CRHR1: variants seen among roughly 807,000 people sequenced by gnomAD.
CRHR1 encodes the protein corticotropin releasing hormone receptor 1.
In CRHR1, 28 loss-of-function variants were observed where a neutral mutation model predicts 56.0. That is an observed-to-expected ratio of 0.50 (90% CI 0.37 to 0.69). The LOEUF (loss-of-function observed/expected upper bound fraction) is 0.69, where lower values mean the gene tolerates loss of function less well. Ranked by LOEUF, CRHR1 falls within the 30% of genes least tolerant of loss-of-function variation. CRHR1 has a pLI of 0.00. For synonymous variants in CRHR1, 195 were observed against 216.5 expected (o/e 0.90, Z 0.87); for missense variants, 376 against 548.0 (o/e 0.69, Z 3.13).
intron 4 of CRHR1, among the ~76,000 whole-genome samples, chr17:45,825,155 C>T (rs1323647479): frequency 6.6e-6 from 1 of 152,210 alleles, no homozygotes; most frequent in Admixed American, 6.5e-5. Flanking sequence ...TAAGCTCCAG[C>T]GCCCTGGGGT....
At chr17:45,810,041 A>T (rs2061791529) in intron 2 of CRHR1, among the ~76,000 whole-genome samples, 1 of 152,194 alleles carries the variant, frequency 6.6e-6, no homozygotes, top group Non-Finnish European at 1.5e-5. Flanking sequence ...GCGCTTTGGG[A>T]GGCCGAGGCG....
intron 1 of CRHR1, chr17:45,800,271 A>G (rs1302497619): frequency 6.6e-6 from 1 of 152,250 alleles, no homozygotes; most frequent in Non-Finnish European, 1.5e-5. Context: ...CCTAAAAAGC[A>G]ACTTACCTTT....
At chr17:45,833,693 T>TGGGGGGGGGGGCG in intron 10 of CRHR1, 21 bp from the exon 11 acceptor site, 8 of 1,571,614 alleles carry the variant, frequency 5.1e-6, no homozygotes, top group Non-Finnish European at 7.0e-6. Context: ...ACTCCGAGCC[T>TGGGGGGGGGGGCG]CCCCACCCGC....
At chr17:45,785,165 C>G (rs2061312296) in intron 1 of CRHR1, among the ~76,000 whole-genome samples, 1 of 152,216 alleles carries the variant, frequency 6.6e-6, no homozygotes, top group African/African-American at 2.4e-5. Flanking sequence ...GTTCCCCGAC[C>G]GCGGCTGGGA....
At chr17:45,786,787 T>C (rs1188936318) in intron 1 of CRHR1, among the ~76,000 whole-genome samples, 1 of 152,018 alleles carries the variant, frequency 6.6e-6, no homozygotes, top group African/African-American at 2.4e-5. Context: ...ACCACAGGCA[T>C]GCACCACCAC....
intron 8 of CRHR1, 22 bp downstream of exon 8, chr17:45,830,962 C>G: frequency 6.2e-7 from 1 of 1,612,936 alleles, no homozygotes; most frequent in South Asian, 1.1e-5. Flanking sequence ...CCTTTCCCTT[C>G]CTGACCCCAA....
intron 3 of CRHR1, among the ~76,000 whole-genome samples, chr17:45,820,823 A>C (rs987870369): frequency 2.0e-5 from 3 of 152,156 alleles, no homozygotes; most frequent in Non-Finnish European, 4.4e-5. Flanking sequence ...CAGCACAGCC[A>C]GTGAGGACCT....
intron 2 of CRHR1, among the ~76,000 whole-genome samples, chr17:45,811,136 G>T (rs1185118227): frequency 6.6e-6 from 1 of 152,268 alleles, no homozygotes; most frequent in African/African-American, 2.4e-5. Flanking sequence ...TTCCTCTGAA[G>T]TTATCTACCA....
chr17:45,833,106 CCCTT>C, intron 8 of CRHR1, 28 bp from the exon 9 acceptor site: 1 of 1,587,968 alleles, frequency 6.3e-7, no homozygotes, highest in Non-Finnish European at 8.7e-7. Flanking sequence ...ACGCAGATGA[CCCTT>C]CCTCCCCTTT....
At chr17:45,821,507 C>G (rs1456434655) in intron 4 of CRHR1, 67 bp downstream of exon 4, 1 of 1,440,700 alleles carries the variant, frequency 6.9e-7, no homozygotes, top group African/African-American at 1.4e-5. Context: ...GAGTTTTGTG[C>G]CTGCTACTTG....
chr17:45,830,656 G>A, intron 7 of CRHR1, 86 bp downstream of exon 7: 14 of 1,499,218 alleles, frequency 9.3e-6, no homozygotes, highest in Non-Finnish European at 1.3e-5. Flanking sequence ...CGGGCTGGGG[G>A]GCCTGAGGGA....
At chr17:45,815,364 C>T (rs1028878293) in intron 2 of CRHR1, among the ~76,000 whole-genome samples, 6 of 152,224 alleles carry the variant, frequency 3.9e-5, no homozygotes, top group Non-Finnish European at 4.4e-5. Flanking sequence ...CATATCCACC[C>T]TCCCCTCCTG....
At chr17:45,805,645 C>G (rs892559716) in intron 1 of CRHR1, among the ~76,000 whole-genome samples, 21 of 152,108 alleles carry the variant, frequency 1.4e-4, no homozygotes, top group African/African-American at 5.1e-4. Context: ...AAGAGAGCAG[C>G]CTCCCATGAG....
chr17:45,799,412 G>T (rs529578950), intron 1 of CRHR1: 1 of 152,302 alleles, frequency 6.6e-6, no homozygotes, highest in Non-Finnish European at 1.5e-5. Flanking sequence ...TAAATGCAAC[G>T]GCGGACCCAG....
At position 45,833,824 on chromosome 17, in the gene CRHR1, T is replaced by C. The variant is rs368619577; in HGVS notation, c.1040T>C (p.Phe347Ser). 1 of 1,613,624 alleles carries C rather than the reference T, an allele frequency of 6.2e-7. No individual in the cohort carries two copies. Among genetic ancestry groups the C allele is most frequent in the Non-Finnish European group, 8.5e-7 (1 of 1,179,978 alleles). The change falls in exon 11 of 13, where the codon TTC (phenylalanine) becomes TCC (serine). Residue 347 changes from phenylalanine to serine, a missense_variant. Phe to Ser is a radical substitution (Grantham distance 155). Coordinates refer to ENST00000314537, the MANE Select transcript of CRHR1 (RefSeq NM_004382.5). ...DEVSRVVFIY[F>S]NSFLESFQGF... ...GTCTCCCGGGTCGTCTTCATCTACT[T>C]CAACTCCTTCCTGGAATCCTTCCAG... is the stretch of plus-strand genomic sequence containing the variant.
intron 10 of CRHR1, 21 bp from the exon 11 acceptor site, chr17:45,833,693 T>TGGGGGGGGGGGGGGCCCC: frequency 6.4e-7 from 1 of 1,571,618 alleles, no homozygotes; most frequent in Non-Finnish European, 8.7e-7. Flanking sequence ...ACTCCGAGCC[T>TGGGGGGGGGGGGGGCCCC]CCCCACCCGC....
chr17:45,813,522 C>T (rs932024346), intron 2 of CRHR1, among the ~76,000 whole-genome samples: 4 of 152,214 alleles, frequency 2.6e-5, no homozygotes, highest in South Asian at 2.1e-4. Context: ...GTGTCACCAG[C>T]GCCCCCTCTG....
chr17:45,830,718 T>G, intron 7 of CRHR1, 148 bp downstream of exon 7: 1 of 1,217,042 alleles, frequency 8.2e-7, no homozygotes, highest in East Asian at 2.5e-5. Context: ...CTGCTCCTCT[T>G]GGGGGTGGGC....
intron 6 of CRHR1, 58 bp from the exon 7 acceptor site, chr17:45,830,359 A>G (rs914288382): frequency 2.5e-6 from 4 of 1,580,516 alleles, no homozygotes; most frequent in Non-Finnish European, 2.6e-6. Context: ...GCCCAGGCCC[A>G]GGGTTTGGTG....
Sources: gnomAD v4.1 joint callset for allele counts (sites outside exome capture counted in the v4.1 genomes callset) on GRCh38, gnomAD v4.1.1 for gene constraint, MANE v1.5 for transcripts, NCBI Gene and HGNC (gene_info 2026-07-23, HGNC 2026-07-21) for gene names.